The following MIB1 variants were observed in gnomAD, a reference collection of about 807,000 sequenced individuals.
MIB1 encodes the protein MIB E3 ubiquitin protein ligase 1.
A neutral mutation model predicts 124.5 loss-of-function variants in MIB1; 278 were observed. The ratio of observed to expected loss-of-function variants is 2.23; its 90% CI spans 2.02 to 2.47. The LOEUF is 2.47. MIB1 is among the 30% of genes most tolerant of loss of function. The pLI is 0.00. For synonymous variants in MIB1, 446 were observed against 429.4 expected (o/e 1.04, Z -0.48); for missense variants, 957 against 1,254.4 (o/e 0.76, Z 3.58).
intron 1 of MIB1, among the ~76,000 whole-genome samples, chr18:21,706,627 G>A (rs886593867): frequency 1.3e-5 from 2 of 152,146 alleles, no homozygotes; most frequent in South Asian, 2.1e-4. Flanking sequence ...GGCTGGCACC[G>A]CCGGCCCTGG....
At chr18:21,719,757 CT>C (rs991300273) in intron 1 of MIB1, among the ~76,000 whole-genome samples, 1 of 151,802 alleles carries the variant, frequency 6.6e-6, no homozygotes, top group Non-Finnish European at 1.5e-5. Context: ...GTGCCCGGCC[CT>C]TTTTTACTTT....
intron 10 of MIB1, among the ~76,000 whole-genome samples, chr18:21,809,368 C>T (rs2041744670): frequency 6.6e-6 from 1 of 152,070 alleles, no homozygotes; most frequent in African/African-American, 2.4e-5. Flanking sequence ...TCAAACTTTT[C>T]CAACAAATTA....
chr18:21,807,321 A>T (rs2041720041), intron 10 of MIB1, among the ~76,000 whole-genome samples: 1 of 152,028 alleles, frequency 6.6e-6, no homozygotes, highest in African/African-American at 2.4e-5. Flanking sequence ...AGTCTCTTCT[A>T]CTTGGAAGGC....
At chr18:21,803,608 A>G (rs1162620275) in intron 9 of MIB1, 2 of 202,636 alleles carry the variant, frequency 9.9e-6, no homozygotes, top group Non-Finnish European at 2.0e-5. Flanking sequence ...AAAGAAATAT[A>G]TATACAAAAC....
chr18:21,864,897 G>A lies in MIB1; in HGVS notation c.*231G>A. 2.8e-6 allele frequency: 1 copy of A among 355,166 alleles called. No homozygotes were observed. Among genetic ancestry groups the A allele is most frequent in the Non-Finnish European group, 5.0e-6 (1 of 199,456 alleles). 22.0% of individuals were successfully genotyped at this position (355,166 alleles called of 1,614,324 possible). On this transcript the variant is annotated 3_prime_UTR_variant, in exon 21 of 21. Coordinates refer to ENST00000261537, the MANE Select transcript of MIB1 (RefSeq NM_020774.4). ...AACATCAAATTCATGTAACTCATAG[G>A]ATAATTTACCTTTGGCTTCTAAGAG...
rs1388083159 is a variant in MIB1, at chr18:21,864,629, G to C, written c.2984G>C (p.Cys995Ser). The change falls in exon 21 of 21, where the codon TGT becomes TCT. Residue 995 changes from cysteine (C) to serine (S), a missense_variant. Coordinates refer to ENST00000261537, the MANE Select transcript of MIB1 (RefSeq NM_020774.4). ...CGDRMSECPI[C>S]RKAIERRILL... ...GACCGCATGAGTGAATGTCCTATCT[G>C]TCGCAAGGCTATTGAACGAAGGATT... 1.2e-6 allele frequency: 2 copies of C among 1,613,750 alleles called. No homozygotes were observed.
At chr18:21,799,805 C>G (rs765470417) in intron 8 of MIB1, 36 bp from the exon 9 acceptor site, 5 of 1,573,490 alleles carry the variant, frequency 3.2e-6, no homozygotes, top group Admixed American at 3.6e-5. Flanking sequence ...GGTTTGAGAT[C>G]CTCCTATATT....
In MIB1 at chr18:21,816,328, A is replaced by G. The variant is rs1006048103; in HGVS notation, c.1677+515A>G. 5.3e-5 allele frequency among the ~76,000 whole-genome samples: 8 copies of G among 152,344 alleles called. No individual in the cohort carries two copies. The South Asian group carries it at 1.7e-3, about 32-fold the overall frequency. On this transcript the variant is annotated intron_variant, in intron 11 of 20. Transcript: ENST00000261537. Reference sequence around the variant, plus strand: ...GCCTAAGAAATGATTATCCCCAGCTACAGTTTTATAACCAGATAAATTAAA... The same window carrying G: ...GCCTAAGAAATGATTATCCCCAGCTGCAGTTTTATAACCAGATAAATTAAA...
rs560588227 is a variant in MIB1, at chr18:21,840,396, G to A, written c.1962+1899G>A. ...ATAGGGCTAAACCAAGTAGATATCC[G>A]TATACCAAAAACAAAAAAACCCAAA... On this transcript the variant is annotated intron_variant, in intron 13 of 20. Coordinates refer to ENST00000261537, the MANE Select transcript of MIB1 (RefSeq NM_020774.4). 3.9e-4 allele frequency among the ~76,000 whole-genome samples: 59 copies of A among 151,702 alleles called. 1 individual carries two copies. The East Asian group carries it at 0.011, about 28-fold the overall frequency.
intron 20 of MIB1, among the ~76,000 whole-genome samples, chr18:21,862,937 T>C (rs569929568): frequency 6.6e-6 from 1 of 152,350 alleles, no homozygotes; most frequent in African/African-American, 2.4e-5. Flanking sequence ...TGAATGGAGC[T>C]ATTTTCATCC....
Position 21,868,690 on chromosome 18 carries a change from T to C in MIB1, c.*4024T>C, listed in dbSNP as rs1184543503. ...CGTTACTTCATTTGCTTGAATATTATGATAGGAATGCTTACTGATATTACT... is the reference window on the plus strand; with the variant it reads ...CGTTACTTCATTTGCTTGAATATTACGATAGGAATGCTTACTGATATTACT... On this transcript the variant is annotated 3_prime_UTR_variant, in exon 21 of 21. Coordinates refer to ENST00000261537, the MANE Select transcript of MIB1 (RefSeq NM_020774.4). 6.6e-6 allele frequency: 1 copy of C among 152,458 alleles called. No individual in the cohort carries two copies. The highest frequency in any genetic ancestry group is 2.4e-5 in the African/African-American group (1 of 41,450). 9.4% of individuals were successfully genotyped at this position (152,458 alleles called of 1,614,324 possible). A position where few individuals can be genotyped will look rare whatever the true frequency, so the allele number is the denominator to read the frequency against.
intron 1 of MIB1, among the ~76,000 whole-genome samples, chr18:21,726,431 G>A (rs925385955): frequency 2.6e-5 from 4 of 151,970 alleles, no homozygotes; most frequent in Non-Finnish European, 5.9e-5. Context: ...TCTACGTTCC[G>A]ACAGAATGAA....
At chr18:21,789,635 A>G (rs577042765) in intron 6 of MIB1, among the ~76,000 whole-genome samples, 3 of 152,152 alleles carry the variant, frequency 2.0e-5, no homozygotes, top group Admixed American at 2.0e-4. Flanking sequence ...TGGCCAACGT[A>G]GCGAAACCCT....
intron 7 of MIB1, among the ~76,000 whole-genome samples, chr18:21,792,379 G>A (rs954357111): frequency 6.6e-6 from 1 of 151,518 alleles, no homozygotes; most frequent in Non-Finnish European, 1.5e-5. Flanking sequence ...GTAATTGTTC[G>A]GTCTCTTCTC....
Position 21,836,252 on chromosome 18 carries a change from T to C in MIB1, c.1830-2113T>C, listed in dbSNP as rs186513836. Among the ~76,000 whole-genome samples, 34 of 151,446 alleles carry C rather than the reference T, an allele frequency of 2.2e-4. No homozygotes were observed. The East Asian group carries it at 6.4e-3, about 28-fold the overall frequency. ...TAGCCTGGGCAACAGAGAGAAACTT[T>C]GTCTCAGAAAAAAACAAAAGGTTTT... is the stretch of plus-strand genomic sequence containing the variant. On this transcript the variant is annotated intron_variant, in intron 12 of 20. Coordinates refer to ENST00000261537, the MANE Select transcript of MIB1 (RefSeq NM_020774.4).
Position 21,846,927 on chromosome 18 carries a change from T to C in MIB1, c.2212-17T>C. On this transcript the variant is annotated splice_polypyrimidine_tract_variant and intron_variant, in intron 15 of 20. Coordinates refer to ENST00000261537, the MANE Select transcript of MIB1 (RefSeq NM_020774.4). ...AGATTCCTAGAGGGAAAATCATGAC[T>C]CTTTATTTTATTGCAGTTAATAATG... 6.2e-7 allele frequency: 1 copy of C among 1,610,494 alleles called. No homozygotes were observed. The highest frequency in any genetic ancestry group is 8.5e-7 in the Non-Finnish European group (1 of 1,177,282).
intron 12 of MIB1, among the ~76,000 whole-genome samples, chr18:21,835,799 A>ATATATC (rs1244734635): frequency 1.3e-5 from 1 of 74,572 alleles, no homozygotes; most frequent in African/African-American, 5.2e-5. Flanking sequence ...ATATATATAT[A>ATATATC]TCCACACACA....
At chr18:21,769,921 G>A (rs1291802793) in intron 3 of MIB1, among the ~76,000 whole-genome samples, 1 of 152,144 alleles carries the variant, frequency 6.6e-6, no homozygotes. Context: ...AACAAAATGA[G>A]GGCCAGGCAT....
chr18:21,807,293 G>A (rs1340600973), intron 10 of MIB1, among the ~76,000 whole-genome samples: 1 of 152,094 alleles, frequency 6.6e-6, no homozygotes, highest in Non-Finnish European at 1.5e-5. Context: ...TTAGCCAGGT[G>A]TGCTGGCACA....
Sources: gnomAD v4.1 joint callset for allele counts (sites outside exome capture counted in the v4.1 genomes callset) on GRCh38, gnomAD v4.1.1 for gene constraint, MANE v1.5 for transcripts, NCBI Gene and HGNC (gene_info 2026-07-23, HGNC 2026-07-21) for gene names.